Variants in DPP6 observed in about 807,000 individuals in gnomAD.
The protein encoded by DPP6 is A-type potassium channel modulatory protein DPP6.
DPP6 carries 69 observed loss-of-function variants against 122.6 expected under a neutral mutation model. The ratio of observed to expected loss-of-function variants is 0.56; its 90% CI spans 0.46 to 0.69. The LOEUF (loss-of-function observed/expected upper bound fraction) is 0.69, where lower values mean the gene tolerates loss of function less well. DPP6 is among the 30% of genes least tolerant of loss of function. DPP6 has a pLI of 0.00. For synonymous variants in DPP6, 418 were observed against 433.1 expected, an observed-to-expected ratio of 0.97 and a Z score of 0.43; for missense variants, 928 against 1,116.9, an observed-to-expected ratio of 0.83 and a Z score of 2.41.
chr7:154,454,320 C>G (rs1586321004), intron 2 of DPP6, among the ~76,000 whole-genome samples: 1 of 152,206 alleles, frequency 6.6e-6, no homozygotes, highest in Non-Finnish European at 1.5e-5. Context: ...GTTTTGGCTG[C>G]TGCCGATGCT....
At chr7:154,859,615 TACAA>T (rs1489338014) in intron 17 of DPP6, among the ~76,000 whole-genome samples, 1 of 152,224 alleles carries the variant, frequency 6.6e-6, no homozygotes, top group South Asian at 2.1e-4. Context: ...AAATCTTATC[TACAA>T]ACAGAGCCTG....
chr7:154,832,598 C>T (rs1323180206), intron 16 of DPP6, among the ~76,000 whole-genome samples: 2 of 152,142 alleles, frequency 1.3e-5, no homozygotes, highest in Admixed American at 6.5e-5. Context: ...GAGCTGAGCC[C>T]ACACAAGAGC....
rs2129982446 is a variant in DPP6 at position 154,522,162 on chromosome 7, G to T, written c.458-18370G>T. Reference sequence around the variant, plus strand: ...TTGTTGTTGTTGTATGTTTAGTAGAGACGGGGTTTCACCGCGTTAGCCAGG... The same window carrying T: ...TTGTTGTTGTTGTATGTTTAGTAGATACGGGGTTTCACCGCGTTAGCCAGG... On this transcript the variant is annotated intron_variant, in intron 3 of 25. Transcript: ENST00000377770. 4.6e-5 allele frequency among the ~76,000 whole-genome samples: 7 copies of T among 152,160 alleles called. No individual in the cohort carries two copies. In the South Asian group the frequency reaches 1.5e-3, roughly 32 times the overall value.
chr7:154,157,971 G>GTATATAAATATATATACATA (rs1796773835), intron 1 of DPP6, among the ~76,000 whole-genome samples: 1 of 148,070 alleles, frequency 6.8e-6, no homozygotes, highest in Non-Finnish European at 1.5e-5. Context: ...ATATATATAT[G>GTATATAAATATATATACATA]TATATAAATA....
intron 3 of DPP6, among the ~76,000 whole-genome samples, chr7:154,498,742 A>C (rs1280714541): frequency 6.6e-6 from 1 of 152,064 alleles, no homozygotes; most frequent in African/African-American, 2.4e-5. Context: ...TTCGGACCAG[A>C]TGATTCTTTG....
the DPP6 span, among the ~76,000 whole-genome samples, chr7:153,828,785 A>G: frequency 6.6e-6 from 1 of 152,216 alleles, no homozygotes; most frequent in Non-Finnish European, 1.5e-5. Flanking sequence ...GGAACTAATC[A>G]CTTTCATAAT....
intron 2 of DPP6, among the ~76,000 whole-genome samples, chr7:154,447,085 C>T (rs1293061178): frequency 6.6e-6 from 1 of 152,060 alleles, no homozygotes; most frequent in Non-Finnish European, 1.5e-5. Context: ...GCGGGTAGAT[C>T]GCCTGACATC....
chr7:154,356,266 G>C (rs1016151451), intron 1 of DPP6, among the ~76,000 whole-genome samples: 3 of 152,096 alleles, frequency 2.0e-5, no homozygotes, highest in Non-Finnish European at 4.4e-5. Flanking sequence ...ATTTTATACA[G>C]TTTTGTAATT....
intron 12 of DPP6, 171 bp downstream of exon 12, chr7:154,796,054 G>T: frequency 9.1e-7 from 1 of 1,103,104 alleles, no homozygotes. Flanking sequence ...CCGTTCTCCA[G>T]GGTTGCCCAG....
chr7:153,853,596 G>A, the DPP6 span, among the ~76,000 whole-genome samples: 4 of 152,088 alleles, frequency 2.6e-5, no homozygotes, highest in African/African-American at 9.7e-5. Context: ...CTGGATGGAA[G>A]GCCATCCCAT....
chr7:154,322,797 G>A lies in DPP6; in HGVS notation c.244-123417G>A, dbSNP rs1008088655. Among the ~76,000 whole-genome samples the A allele has an allele frequency of 3.3e-5, 5 of 152,156 alleles. 1 individual carries two copies. The highest frequency in any genetic ancestry group is 4.1e-4 in the South Asian group (2 of 4,822). ...ATAGGCAGTAAACATTGTAGTCTTT[G>A]CCTTCAAGGTGTTTGAAACATAAAA... On this transcript the variant is annotated intron_variant, in intron 1 of 25. Transcript: ENST00000377770.
At chr7:154,307,047 G>C (rs751413349) in intron 1 of DPP6, among the ~76,000 whole-genome samples, 1 of 152,164 alleles carries the variant, frequency 6.6e-6, no homozygotes, top group Non-Finnish European at 1.5e-5. Flanking sequence ...CTGACCATGG[G>C]AGAGAAGTAA....
intron 1 of DPP6, among the ~76,000 whole-genome samples, chr7:154,235,156 CTG>C (rs1234293525): frequency 6.6e-6 from 1 of 152,258 alleles, no homozygotes; most frequent in Non-Finnish European, 1.5e-5. Context: ...CCGAAGGAAA[CTG>C]TGCCCCTTAG....
At chr7:154,753,485 T>C (rs1843500376) in intron 8 of DPP6, among the ~76,000 whole-genome samples, 1 of 152,058 alleles carries the variant, frequency 6.6e-6, no homozygotes, top group African/African-American at 2.4e-5. Flanking sequence ...AGGAGTGGCA[T>C]GGATTTCCCC....
intron 16 of DPP6, among the ~76,000 whole-genome samples, chr7:154,807,419 T>C (rs1312599972): frequency 1.3e-5 from 2 of 152,138 alleles, no homozygotes; most frequent in African/African-American, 4.8e-5. Flanking sequence ...AATAGTCCCA[T>C]GAGCTAGGAA....
intron 1 of DPP6, among the ~76,000 whole-genome samples, chr7:154,378,017 T>C (rs925438562): frequency 3.3e-5 from 5 of 152,182 alleles, no homozygotes; most frequent in African/African-American, 7.2e-5. Flanking sequence ...CTGGACATAA[T>C]AGAAGTGTGT....
chr7:154,279,566 C>A (rs1804370317), intron 1 of DPP6, among the ~76,000 whole-genome samples: 2 of 152,194 alleles, frequency 1.3e-5, no homozygotes, highest in Admixed American at 1.3e-4. Context: ...CAAAAGTCCT[C>A]ATGTGAACGT....
chr7:154,759,755 C>T (rs1011706870), intron 8 of DPP6, among the ~76,000 whole-genome samples: 2 of 152,228 alleles, frequency 1.3e-5, no homozygotes, highest in African/African-American at 2.4e-5. Context: ...GTCTCCAATC[C>T]ATGGGGTTGC....
chr7:154,682,038 G>A (rs952402835), intron 7 of DPP6, among the ~76,000 whole-genome samples: 14 of 152,212 alleles, frequency 9.2e-5, no homozygotes, highest in African/African-American at 3.4e-4. Context: ...AGAAGGGAAA[G>A]TAAAATTAAA....
Sources: allele counts gnomAD v4.1 joint callset (sites outside exome capture counted in the v4.1 genomes callset), GRCh38; gene constraint gnomAD v4.1.1; transcripts MANE v1.5; gene names NCBI Gene and HGNC (gene_info 2026-07-23, HGNC 2026-07-21).